Variants in BIRC2 observed in about 807,000 individuals in gnomAD.
BIRC2 encodes the protein baculoviral IAP repeat-containing protein 2.
BIRC2 carries 18 observed loss-of-function variants against 60.9 expected under a neutral mutation model. The observed-to-expected ratio is 0.30, with a 90% CI of 0.20 to 0.44. BIRC2 has a LOEUF of 0.44. Among genes scored for constraint, BIRC2 ranks in the 20% least tolerant of loss-of-function variants. BIRC2 has a pLI of 1.00. For missense variants in BIRC2, 701 were observed against 728.5 expected, an observed-to-expected ratio of 0.96 and a Z score of 0.43; for synonymous variants, 282 against 247.7, an observed-to-expected ratio of 1.14 and a Z score of -1.30.
intron 1 of BIRC2, 61 bp downstream of exon 1, chr11:102,347,437 G>C (rs1006315867): frequency 1.5e-5 from 2 of 132,734 alleles, no homozygotes; most frequent in Admixed American, 1.5e-4. Flanking sequence ...GAGGGCCCGC[G>C]GGGGCCCACT....
At position 102,363,702 on chromosome 11, in the gene BIRC2, A is replaced by G. The variant is rs1411687699; in HGVS notation, c.1109A>G (p.Asn370Ser). The G allele has an allele frequency of 4.3e-6, 7 of 1,611,638 alleles. No individual in the cohort carries two copies. The highest frequency in any genetic ancestry group is 5.9e-6 in the Non-Finnish European group (7 of 1,178,340). The change falls in exon 5 of 9, where the codon AAT becomes AGT. Residue 370 changes from asparagine (N) to serine (S), a missense_variant. Asn to Ser is a conservative substitution (Grantham distance 46). Around this residue, in one of 4 missense-constraint regions of BIRC2, gnomAD observed 235 missense variants for 208.9 expected, o/e 1.12. Transcript: ENST00000227758. Reference sequence around the variant, plus strand: ...ACTTCAGATACCACTGGAGAAGAAAATGCTGACCCACCAAGTATGTATGAG... The same window carrying G: ...ACTTCAGATACCACTGGAGAAGAAAGTGCTGACCCACCAAGTATGTATGAG... ...LSTSDTTGEE[N>S]ADPPIIHFGP...
intron 6 of BIRC2, among the ~76,000 whole-genome samples, chr11:102,371,989 T>C (rs1459534755): frequency 1.3e-5 from 2 of 152,212 alleles, no homozygotes; most frequent in African/African-American, 2.4e-5. Context: ...TGGTAGTTTG[T>C]ATTTCTGTGG....
intron 3 of BIRC2, among the ~76,000 whole-genome samples, chr11:102,352,056 C>T (rs913806407): frequency 6.6e-6 from 1 of 152,022 alleles, no homozygotes; most frequent in African/African-American, 2.4e-5. Flanking sequence ...TACTAATTCA[C>T]CATTATCCCA....
chr11:102,378,341 T>C lies in BIRC2; in HGVS notation c.*158T>C, dbSNP rs1217520096. ...ACTAATAATCTTGTTTCTGAAAAGA[T>C]GGTATCATATATTTAATCTTAATCT... On this transcript the variant is annotated 3_prime_UTR_variant, in exon 9 of 9. Coordinates refer to ENST00000227758, the MANE Select transcript of BIRC2 (RefSeq NM_001166.5). 1 of 574,914 alleles carries C rather than the reference T, an allele frequency of 1.7e-6. No individual in the cohort carries two copies. Among genetic ancestry groups the C allele is most frequent in the Non-Finnish European group, 2.9e-6 (1 of 347,048 alleles). 35.6% of individuals were successfully genotyped at this position (574,914 alleles called of 1,614,324 possible).
chr11:102,374,625 G>C (rs1321900961), intron 6 of BIRC2, among the ~76,000 whole-genome samples: 1 of 151,868 alleles, frequency 6.6e-6, no homozygotes, highest in Non-Finnish European at 1.5e-5. Context: ...CTTTTTGTTT[G>C]TCTGTGCCCT....
chr11:102,351,489 G>A (rs1026395173), intron 3 of BIRC2, among the ~76,000 whole-genome samples: 3 of 151,772 alleles, frequency 2.0e-5, no homozygotes, highest in African/African-American at 7.3e-5. Flanking sequence ...GTGGCGCGTG[G>A]CCGTAGTCCC....
At chr11:102,364,276 A>T (rs1951527919) in intron 5 of BIRC2, among the ~76,000 whole-genome samples, 1 of 150,012 alleles carries the variant, frequency 6.7e-6, no homozygotes, top group Non-Finnish European at 1.5e-5. Flanking sequence ...TGCTATACTT[A>T]TCACTTTTAG....
In BIRC2 at chr11:102,352,314, C is replaced by T. The variant is rs537134167; in HGVS notation, c.995+1371C>T. Among the ~76,000 whole-genome samples, 22 of 152,060 alleles carry T rather than the reference C, an allele frequency of 1.4e-4. No individual in the cohort carries two copies. In the South Asian group the frequency reaches 4.4e-3, roughly 30 times the overall value. ...ACTTTTTAGTAGAGATGGGATTTCA[C>T]CATGTTAGACAGGATGGTCTCGATC... On this transcript the variant is annotated intron_variant, in intron 3 of 8. Transcript: ENST00000227758.
intron 5 of BIRC2, among the ~76,000 whole-genome samples, chr11:102,366,303 C>T (rs537593082): frequency 1.4e-4 from 21 of 152,148 alleles, no homozygotes; most frequent in Middle Eastern, 6.8e-3. Context: ...TTTAATCTAT[C>T]AGAAGTCTTT....
rs369402637 is a variant in BIRC2 at position 102,347,227 on chromosome 11, G to C, written c.-1407G>C. 2.8e-4 allele frequency: 42 copies of C among 152,432 alleles called. No homozygotes were observed. Among genetic ancestry groups the C allele is most frequent in the African/African-American group, 8.4e-4 (35 of 41,598 alleles). 9.4% of individuals were successfully genotyped at this position (152,432 alleles called of 1,614,324 possible). On this transcript the variant is annotated 5_prime_UTR_variant, in exon 1 of 9. Transcript: ENST00000227758. ...CGCGCTGACGTCATCGTGCGTCAGA[G>C]TGAGCCCGGATGGGGCGGCGGGCTT...
At chr11:102,362,008 G>A (rs891675417) in intron 3 of BIRC2, among the ~76,000 whole-genome samples, 12 of 151,962 alleles carry the variant, frequency 7.9e-5, no homozygotes, top group African/African-American at 1.9e-4. Context: ...TTCAGTCTGC[G>A]GCTTTTCATT....
At chr11:102,360,401 A>G (rs959847110) in intron 3 of BIRC2, among the ~76,000 whole-genome samples, 2 of 149,834 alleles carry the variant, frequency 1.3e-5, no homozygotes, top group African/African-American at 4.9e-5. Flanking sequence ...TTGAGTTCAC[A>G]GGTTCTTCTG....
intron 6 of BIRC2, among the ~76,000 whole-genome samples, chr11:102,370,481 C>T (rs200102597): frequency 1 from 142,896 of 143,014 alleles, 71,396 homozygotes; most frequent in Middle Eastern, 1. Flanking sequence ...GTTATAGATA[C>T]GCGGTGTTAT....
Position 102,351,657 on chromosome 11 carries a change from G to A in BIRC2, c.995+714G>A, listed in dbSNP as rs118114177. Among the ~76,000 whole-genome samples the A allele has an allele frequency of 6.7e-3, 988 of 146,484 alleles. 8 individuals carry two copies. The highest frequency in any genetic ancestry group is 0.012 in the Non-Finnish European group (776 of 66,988). On this transcript the variant is annotated intron_variant, in intron 3 of 8. Coordinates refer to ENST00000227758, the MANE Select transcript of BIRC2 (RefSeq NM_001166.5). Reference sequence around the variant, plus strand: ...AAAAAAGAAAAAAGCATATCTGACTGCCCATTTTAATTGTAATTGTAAATT... The same window carrying A: ...AAAAAAGAAAAAAGCATATCTGACTACCCATTTTAATTGTAATTGTAAATT...
chr11:102,378,367 GTTTA>G lies in BIRC2; in HGVS notation c.*189_*192del, dbSNP rs1951737791. 4.0e-6 allele frequency: 2 copies of G among 503,120 alleles called. No individual in the cohort carries two copies. The highest frequency in any genetic ancestry group is 6.7e-6 in the Non-Finnish European group (2 of 297,488). The allele number at this position is 503,120 out of a possible 1,614,324, so 31.2% of individuals were successfully genotyped here. ...GGTATCATATATTTAATCTTAATCT[GTTTA>G]TTTACAAGGGAAGATTTATGTTTGG... On this transcript the variant is annotated 3_prime_UTR_variant, in exon 9 of 9. Transcript: ENST00000227758.
chr11:102,364,176 C>CACACATATATATATATATATATATAT, intron 5 of BIRC2, among the ~76,000 whole-genome samples: 1 of 49,504 alleles, frequency 2.0e-5, no homozygotes, highest in African/African-American at 1.3e-4. Context: ...TATATATATA[C>CACACATATATATATATATATATATAT]ACACACACAC....
At chr11:102,366,218 A>C (rs947605254) in intron 5 of BIRC2, among the ~76,000 whole-genome samples, 5 of 152,036 alleles carry the variant, frequency 3.3e-5, no homozygotes, top group African/African-American at 1.2e-4. Flanking sequence ...AGTTAATGGT[A>C]CTCATTTCCC....
At chr11:102,360,933 A>G (rs1357189296) in intron 3 of BIRC2, among the ~76,000 whole-genome samples, 1 of 151,904 alleles carries the variant, frequency 6.6e-6, no homozygotes, top group South Asian at 2.1e-4. Context: ...GTCAGTGAGG[A>G]TTGCAGGGGT....
intron 6 of BIRC2, among the ~76,000 whole-genome samples, chr11:102,375,596 C>G (rs1051801797): frequency 6.6e-6 from 1 of 152,032 alleles, no homozygotes; most frequent in South Asian, 2.1e-4. Context: ...CTGGCTAACA[C>G]GATGAAACCC....
Sources: allele counts gnomAD v4.1 joint callset (sites outside exome capture counted in the v4.1 genomes callset), GRCh38; gene constraint gnomAD v4.1.1; regional missense constraint gnomAD v4.1.1; transcripts MANE v1.5; gene names NCBI Gene and HGNC (gene_info 2026-07-23, HGNC 2026-07-21).